The following SYNPR variants were observed in gnomAD, a reference collection of about 807,000 sequenced individuals.
SYNPR encodes the protein synaptoporin.
A neutral mutation model predicts 32.9 loss-of-function variants in SYNPR; 23 were observed. The ratio of observed to expected loss-of-function variants is 0.70; its 90% CI spans 0.50 to 0.99. The LOEUF (loss-of-function observed/expected upper bound fraction) is 0.99. SYNPR is among the 50% of genes least tolerant of loss of function. SYNPR has a pLI of 0.00. For missense variants in SYNPR, 318 were observed against 349.3 expected, an observed-to-expected ratio of 0.91 and a Z score of 0.71; for synonymous variants, 146 against 135.9, an observed-to-expected ratio of 1.07 and a Z score of -0.52.
chr3:63,329,743 C>G (rs910322202), intron 2 of SYNPR, among the ~76,000 whole-genome samples: 1 of 152,076 alleles, frequency 6.6e-6, no homozygotes, highest in African/African-American at 2.4e-5. Context: ...AATGTCAAAA[C>G]TTTCTCAAGT....
At chr3:63,502,594 T>C (rs1263790633) in intron 3 of SYNPR, among the ~76,000 whole-genome samples, 1 of 152,184 alleles carries the variant, frequency 6.6e-6, no homozygotes, top group Non-Finnish European at 1.5e-5. Flanking sequence ...TGATGCTTTT[T>C]CTGTCTCCAT....
chr3:63,357,182 T>A (rs945457898), intron 2 of SYNPR, among the ~76,000 whole-genome samples: 1 of 152,208 alleles, frequency 6.6e-6, no homozygotes, highest in Non-Finnish European at 1.5e-5. Context: ...TTGCTATCCC[T>A]GTTCATCGCT....
At chr3:63,464,039 A>G (rs1700635819) in intron 2 of SYNPR, among the ~76,000 whole-genome samples, 1 of 152,200 alleles carries the variant, frequency 6.6e-6, no homozygotes, top group Non-Finnish European at 1.5e-5. Context: ...AGGCACTTTC[A>G]TATACACTTG....
chr3:63,387,410 C>G (rs17068428), intron 2 of SYNPR, among the ~76,000 whole-genome samples: 4 of 152,298 alleles, frequency 2.6e-5, no homozygotes, highest in African/African-American at 9.6e-5. Context: ...GCATGTCTGT[C>G]TTAATGACCT....
In SYNPR at chr3:63,552,177, C is replaced by T. The variant is rs149811163; in HGVS notation, c.210-4366C>T. Among the ~76,000 whole-genome samples the T allele has an allele frequency of 6.6e-3, 998 of 152,178 alleles. 32 individuals carry two copies. In the East Asian group the frequency reaches 0.084, roughly 13 times the overall value. ...CCTCCCAAAGTGCTGTGATTACAGGCATGAGCCACCGCACCCGGCCGCATC... is the reference window on the plus strand; with the variant it reads ...CCTCCCAAAGTGCTGTGATTACAGGTATGAGCCACCGCACCCGGCCGCATC... On this transcript the variant is annotated intron_variant, in intron 3 of 5. Transcript: ENST00000478300.
intron 2 of SYNPR, among the ~76,000 whole-genome samples, chr3:63,419,647 C>T (rs1429783491): frequency 6.6e-6 from 1 of 152,166 alleles, no homozygotes; most frequent in Non-Finnish European, 1.5e-5. Context: ...ACTATGGTCC[C>T]CCACATTTCC....
chr3:63,481,013 T>G, intron 3 of SYNPR, 57 bp downstream of exon 3: 2 of 1,564,216 alleles, frequency 1.3e-6, no homozygotes, highest in Non-Finnish European at 1.7e-6. Context: ...CTTTCTTCTG[T>G]GCTTTGTCTC....
At chr3:63,329,663 T>A (rs141365982) in intron 2 of SYNPR, among the ~76,000 whole-genome samples, 48 of 152,312 alleles carry the variant, frequency 3.2e-4, no homozygotes, top group African/African-American at 1.1e-3. Context: ...AGAGTCCCCT[T>A]CAACTCACGA....
In SYNPR at chr3:63,508,735, C is replaced by T. The variant is rs182687556; in HGVS notation, c.209+27779C>T. ...ACATAACCATTCTGATTGGTCCAAC[C>T]TGAACCACTAATCAAAAAAGTACAA... On this transcript the variant is annotated intron_variant, in intron 3 of 5. Coordinates refer to ENST00000478300, the MANE Select transcript of SYNPR (RefSeq NM_001130003.2). Among the ~76,000 whole-genome samples the T allele has an allele frequency of 1.1e-3, 169 of 152,198 alleles. 1 individual carries two copies. The highest frequency in any genetic ancestry group is 3.5e-3 in the African/African-American group (147 of 41,542).
the SYNPR span, among the ~76,000 whole-genome samples, chr3:63,208,724 T>C: frequency 2.0e-5 from 3 of 152,202 alleles, no homozygotes; most frequent in Non-Finnish European, 4.4e-5. Flanking sequence ...ATCACAACCC[T>C]TGTTGCAGAG....
At chr3:63,604,989 T>C (rs576158394) in intron 4 of SYNPR, among the ~76,000 whole-genome samples, 1 of 152,360 alleles carries the variant, frequency 6.6e-6, no homozygotes, top group South Asian at 2.1e-4. Context: ...TTTAACAAAA[T>C]TGCGATCATT....
intron 3 of SYNPR, among the ~76,000 whole-genome samples, chr3:63,500,153 G>A (rs1015715922): frequency 1.6e-4 from 24 of 152,034 alleles, no homozygotes; most frequent in Non-Finnish European, 8.8e-5. Flanking sequence ...ATACCACCTG[G>A]ACTATTTACT....
chr3:63,530,619 C>T (rs1272793375), intron 3 of SYNPR, among the ~76,000 whole-genome samples: 1 of 152,094 alleles, frequency 6.6e-6, no homozygotes, highest in Non-Finnish European at 1.5e-5. Context: ...CTCAAGTTTT[C>T]CTGCACATAC....
chr3:63,209,106 T>C, the SYNPR span, among the ~76,000 whole-genome samples: 1 of 152,012 alleles, frequency 6.6e-6, no homozygotes, highest in Non-Finnish European at 1.5e-5. Flanking sequence ...TAGGCATCCT[T>C]TTATGTTTTA....
At chr3:63,610,978 T>C (rs920433543) in intron 5 of SYNPR, among the ~76,000 whole-genome samples, 1 of 152,222 alleles carries the variant, frequency 6.6e-6, no homozygotes, top group Non-Finnish European at 1.5e-5. Context: ...GCTGTAGTGA[T>C]GTATCCATAT....
rs1003188402 is a variant in SYNPR, at chr3:63,539,848, A to G, written c.210-16695A>G. Among the ~76,000 whole-genome samples, 3 of 152,194 alleles carry G rather than the reference A, an allele frequency of 2.0e-5. No individual in the cohort carries two copies. In the East Asian group the frequency reaches 5.8e-4, roughly 30 times the overall value. ...GAAACTGTATGGAACACACCCAAGA[A>G]TCCCCGGACAGAGGGCAGAGAGGCT... is the stretch of plus-strand genomic sequence containing the variant. On this transcript the variant is annotated intron_variant, in intron 3 of 5. Coordinates refer to ENST00000478300, the MANE Select transcript of SYNPR (RefSeq NM_001130003.2).
intron 1 of SYNPR, among the ~76,000 whole-genome samples, chr3:63,234,775 A>G (rs530632303): frequency 3.2e-4 from 48 of 152,218 alleles, no homozygotes; most frequent in Non-Finnish European, 6.5e-4. Flanking sequence ...GCCTGTGCCA[A>G]TCTGCTGTTT....
At chr3:63,451,412 T>G (rs894866183) in intron 2 of SYNPR, among the ~76,000 whole-genome samples, 4 of 152,162 alleles carry the variant, frequency 2.6e-5, no homozygotes, top group African/African-American at 9.7e-5. Context: ...TGCCTTATTA[T>G]AAATTGCAGG....
At chr3:63,313,596 ATG>A (rs1217141506) in intron 2 of SYNPR, among the ~76,000 whole-genome samples, 75 of 144,730 alleles carry the variant, frequency 5.2e-4, no homozygotes, top group Non-Finnish European at 8.6e-4. Flanking sequence ...GCGTACATAT[ATG>A]TGTGTGTGTG....
Sources: gnomAD v4.1 joint callset for allele counts (sites outside exome capture counted in the v4.1 genomes callset) on GRCh38, gnomAD v4.1.1 for gene constraint, MANE v1.5 for transcripts, NCBI Gene and HGNC (gene_info 2026-07-23, HGNC 2026-07-21) for gene names.